Variants in WWC1 observed in about 807,000 individuals in gnomAD.
WWC1 encodes WW and C2 domain containing 1.
A neutral mutation model predicts 138.4 loss-of-function variants in WWC1; 55 were observed. The ratio of observed to expected loss-of-function variants is 0.40; its 90% confidence interval spans 0.32 to 0.50. The LOEUF (loss-of-function observed/expected upper bound fraction) is 0.50. Ranked by LOEUF, WWC1 falls within the 20% of genes least tolerant of loss-of-function variation. The probability of loss-of-function intolerance (pLI) is 0.72; values close to 1 mark genes in which losing one functional copy is unlikely to be tolerated. For missense variants in WWC1, 1,226 were observed against 1,420.4 expected (o/e 0.86, Z 2.20); for synonymous variants, 524 against 564.9 (o/e 0.93, Z 1.03).
chr5:168,335,459 A>C (rs994188739), intron 1 of WWC1, among the ~76,000 whole-genome samples: 9 of 152,244 alleles, frequency 5.9e-5, no homozygotes, highest in African/African-American at 2.2e-4. Context: ...CGTTCTCTTA[A>C]AAAGAAAGAA....
intron 1 of WWC1, among the ~76,000 whole-genome samples, chr5:168,337,873 G>A (rs1773629210): frequency 6.6e-6 from 1 of 152,182 alleles, no homozygotes; most frequent in African/African-American, 2.4e-5. Context: ...TGCAGGAAGA[G>A]GATGGCATTC....
Position 168,444,656 on chromosome 5 carries a change from A to T in WWC1, c.2525+71A>T, listed in dbSNP as rs17070214. 3.2e-5 allele frequency: 49 copies of T among 1,510,244 alleles called. No homozygotes were observed. The Middle Eastern group carries it at 9.0e-4, about 28-fold the overall frequency. The allele number at this position is 1,510,244 out of a possible 1,614,324, so 93.6% of individuals were successfully genotyped here. A position where few individuals can be genotyped will look rare whatever the true frequency, so the allele number is the denominator to read the frequency against. The stretch of plus-strand genomic sequence containing the variant: ...CTAGGCCCAGCAATGAGATCCCCCA[A>T]TGCCAGTGCAACTAAGAGAAGGGTT... On this transcript the variant is annotated intron_variant, in intron 17 of 22. Coordinates refer to ENST00000265293, the MANE Select transcript of WWC1 (RefSeq NM_015238.3).
At chr5:168,355,539 C>T (rs1274372360) in intron 1 of WWC1, among the ~76,000 whole-genome samples, 1 of 150,540 alleles carries the variant, frequency 6.6e-6, no homozygotes, top group African/African-American at 2.4e-5. Flanking sequence ...AACTGAGAGC[C>T]AGCCATGCAA....
At chr5:168,386,466 C>T (rs76306372) in intron 3 of WWC1, among the ~76,000 whole-genome samples, 1,710 of 151,488 alleles carry the variant, frequency 0.011, 24 homozygotes, top group East Asian at 0.037. Context: ...GATCTCTGCT[C>T]GCTGCAAGCT....
chr5:168,382,012 A>C (rs879704367), intron 2 of WWC1, among the ~76,000 whole-genome samples: 11 of 152,278 alleles, frequency 7.2e-5, no homozygotes, highest in Non-Finnish European at 1.2e-4. Context: ...CCTATCCCAC[A>C]GAATTAATAG....
intron 7 of WWC1, 87 bp from the exon 8 acceptor site, chr5:168,409,835 C>T: frequency 1.5e-6 from 2 of 1,364,474 alleles, no homozygotes; most frequent in Non-Finnish European, 2.1e-6. Flanking sequence ...CCCACGCAAG[C>T]TGTCAAGTCT....
intron 15 of WWC1, among the ~76,000 whole-genome samples, chr5:168,437,210 A>T (rs1782419500): frequency 6.6e-6 from 1 of 151,768 alleles, no homozygotes; most frequent in South Asian, 2.1e-4. Flanking sequence ...GAGGTCTTCC[A>T]CCCTATATAA....
At chr5:168,299,299 T>C (rs1392514021) in intron 1 of WWC1, among the ~76,000 whole-genome samples, 3 of 152,188 alleles carry the variant, frequency 2.0e-5, no homozygotes, top group Non-Finnish European at 4.4e-5. Context: ...GTGAACCTGA[T>C]GTGGATCTCA....
At chr5:168,448,014 C>T (rs1474737507) in intron 17 of WWC1, among the ~76,000 whole-genome samples, 1 of 152,340 alleles carries the variant, frequency 6.6e-6, no homozygotes, top group African/African-American at 2.4e-5. Context: ...AAATTCCAAG[C>T]TTGTGCTGAG....
intron 1 of WWC1, among the ~76,000 whole-genome samples, chr5:168,353,076 A>T (rs556643380): frequency 1.3e-5 from 2 of 152,154 alleles, no homozygotes; most frequent in South Asian, 4.2e-4. Context: ...TCCAATTCGA[A>T]CCCGGACCTG....
At chr5:168,302,378 T>A (rs902519202) in intron 1 of WWC1, among the ~76,000 whole-genome samples, 1 of 152,128 alleles carries the variant, frequency 6.6e-6, no homozygotes, top group Non-Finnish European at 1.5e-5. Context: ...CCTGCTGCAA[T>A]GGGGTGTGCA....
chr5:168,367,575 T>A (rs1776407881), intron 1 of WWC1, among the ~76,000 whole-genome samples: 1 of 151,790 alleles, frequency 6.6e-6, no homozygotes, highest in South Asian at 2.1e-4. Flanking sequence ...CGCCTCGGCC[T>A]CCCAAAGTGC....
chr5:168,322,010 T>C (rs1480940704), intron 1 of WWC1, among the ~76,000 whole-genome samples: 1 of 152,202 alleles, frequency 6.6e-6, no homozygotes, highest in African/African-American at 2.4e-5. Flanking sequence ...TCCCTGGAAA[T>C]ATTTGAGATC....
chr5:168,394,143 C>A (rs1268166681), intron 3 of WWC1, among the ~76,000 whole-genome samples: 1 of 152,076 alleles, frequency 6.6e-6, no homozygotes, highest in African/African-American at 2.4e-5. Flanking sequence ...AAGTCCCCAC[C>A]CTCCTGAGAG....
chr5:168,365,207 G>A (rs939211581), intron 1 of WWC1, among the ~76,000 whole-genome samples: 4 of 152,314 alleles, frequency 2.6e-5, no homozygotes, highest in East Asian at 1.9e-4. Flanking sequence ...GGAACTATGC[G>A]TGTGAAACAG....
At chr5:168,409,850 T>C in intron 7 of WWC1, 72 bp from the exon 8 acceptor site, 9 of 1,499,932 alleles carry the variant, frequency 6.0e-6, no homozygotes, top group Non-Finnish European at 7.4e-6. Context: ...AAGTCTCTCA[T>C]GAGCCCTCGA....
At chr5:168,379,171 G>C (rs966871807) in intron 2 of WWC1, among the ~76,000 whole-genome samples, 2 of 152,128 alleles carry the variant, frequency 1.3e-5, no homozygotes, top group Admixed American at 6.6e-5. Flanking sequence ...TTTTATGTAG[G>C]AAATTTTATA....
At chr5:168,414,110 G>A (rs1175231171) in intron 8 of WWC1, 3 of 526,964 alleles carry the variant, frequency 5.7e-6, no homozygotes, top group Non-Finnish European at 1.0e-5. Context: ...AACAGGGCAA[G>A]GACATTGCCT....
At chr5:168,386,566 T>G (rs1378415094) in intron 3 of WWC1, among the ~76,000 whole-genome samples, 1 of 151,668 alleles carries the variant, frequency 6.6e-6, no homozygotes, top group Non-Finnish European at 1.5e-5. Context: ...CTAATTTTTT[T>G]TTGTATTTTT....
Sources: gnomAD v4.1 joint callset for allele counts (sites outside exome capture counted in the v4.1 genomes callset) on GRCh38, gnomAD v4.1.1 for gene constraint, MANE v1.5 for transcripts, NCBI Gene and HGNC (gene_info 2026-07-23, HGNC 2026-07-21) for gene names.